The following DYNAP variants were observed in gnomAD, a reference collection of about 807,000 sequenced individuals.
The protein encoded by DYNAP is dynactin-associated protein.
DYNAP carries 7 observed loss-of-function variants against 8.5 expected under a neutral mutation model. The ratio of observed to expected loss-of-function variants is 0.82; its 90% CI spans 0.47 to 1.54. The LOEUF (loss-of-function observed/expected upper bound fraction) is 1.54. DYNAP is among the 40% of genes most tolerant of loss of function. The pLI, the probability that DYNAP is intolerant of heterozygous loss-of-function variation, is 0.01. For missense variants in DYNAP, 256 were observed against 224.3 expected, an observed-to-expected ratio of 1.14 and a Z score of -0.90; for synonymous variants, 77 against 77.9, an observed-to-expected ratio of 0.99 and a Z score of 0.06.
chr18:54,591,638 C>G (rs1911080813), intron 1 of DYNAP, among the ~76,000 whole-genome samples: 1 of 151,982 alleles, frequency 6.6e-6, no homozygotes, highest in South Asian at 2.1e-4. Flanking sequence ...TTCATGTAAA[C>G]ATAAACTCCA....
At chr18:54,597,770 C>T (rs778379154) in intron 2 of DYNAP, 43 bp from the exon 3 acceptor site, 2 of 1,544,286 alleles carry the variant, frequency 1.3e-6, no homozygotes, top group Non-Finnish European at 8.8e-7. Flanking sequence ...AAATTACAAG[C>T]ATTTTTGTTT....
chr18:54,590,898 T>C (rs1013543486), upstream of DYNAP, among the ~76,000 whole-genome samples: 3 of 152,114 alleles, frequency 2.0e-5, no homozygotes, highest in African/African-American at 7.2e-5. Flanking sequence ...CTTTTGTGCT[T>C]GAGTAGAAAG....
upstream of DYNAP, among the ~76,000 whole-genome samples, chr18:54,586,487 C>T (rs937435416): frequency 4.6e-5 from 7 of 152,152 alleles, no homozygotes; most frequent in African/African-American, 1.7e-4. Context: ...GTGGCAGCAC[C>T]ACCCTGGCCA....
chr18:54,576,934 C>A, the DYNAP span, among the ~76,000 whole-genome samples: 1 of 152,176 alleles, frequency 6.6e-6, no homozygotes, highest in African/African-American at 2.4e-5. Flanking sequence ...CCCATCAGAT[C>A]AATTTATTTG....
rs1257031827 is a variant in DYNAP, at chr18:54,598,273, T to C, written c.*128T>C. 1.0e-6 allele frequency: 1 copy of C among 967,314 alleles called. No homozygotes were observed. The highest frequency in any genetic ancestry group is 1.6e-5 in the African/African-American group (1 of 60,706). The allele number at this position is 967,314 out of a possible 1,614,324, so 59.9% of individuals were successfully genotyped here. ...TGGCTGCAGTCACTTTAACAGACTC[T>C]ATAACCGTTACAACTTCAACAAAAT... On this transcript the variant is annotated 3_prime_UTR_variant, in exon 3 of 3. Transcript: ENST00000648945.
At chr18:54,596,941 A>T (rs1911317995) in intron 2 of DYNAP, among the ~76,000 whole-genome samples, 1 of 152,036 alleles carries the variant, frequency 6.6e-6, no homozygotes, top group South Asian at 2.1e-4. Context: ...GCTTTTCATG[A>T]AACTCTAGTC....
At chr18:54,591,920 T>C (rs560207558) in intron 1 of DYNAP, among the ~76,000 whole-genome samples, 4 of 152,308 alleles carry the variant, frequency 2.6e-5, no homozygotes, top group African/African-American at 9.6e-5. Context: ...ACAGATTTTA[T>C]GTATCTATTT....
chr18:54,593,512 T>G (rs576723701), intron 1 of DYNAP, among the ~76,000 whole-genome samples: 6 of 152,324 alleles, frequency 3.9e-5, no homozygotes, highest in African/African-American at 9.6e-5. Context: ...AATTTTAGTA[T>G]TCTCCTTTTG....
In DYNAP at chr18:54,599,041, GT is replaced by G. The variant is rs1318863490; in HGVS notation, c.*898del. 1 of 152,074 alleles carries G rather than the reference GT, an allele frequency of 6.6e-6. No homozygotes were observed. The highest frequency in any genetic ancestry group is 1.5e-5 in the Non-Finnish European group (1 of 67,998). The allele number at this position is 152,074 out of a possible 1,614,324, so 9.4% of individuals were successfully genotyped here. ...TATAGCCTGGAAGCCCCAACTTTGA[GT>G]TGTCCTGCCTTTCTGAACCAAGCCA... On this transcript the variant is annotated 3_prime_UTR_variant, in exon 3 of 3. Transcript: ENST00000648945.
At chr18:54,587,159 G>A (rs1910908309), upstream of DYNAP, among the ~76,000 whole-genome samples, 1 of 152,088 alleles carries the variant, frequency 6.6e-6, no homozygotes, top group Non-Finnish European at 1.5e-5. Context: ...GTTTTAAAAT[G>A]GCAGTCATGA....
At chr18:54,595,186 T>C (rs1280794575) in intron 2 of DYNAP, 83 bp downstream of exon 2, 1 of 1,375,680 alleles carries the variant, frequency 7.3e-7, no homozygotes, top group East Asian at 2.5e-5. Context: ...TCCCAAGAAA[T>C]GTACTTAATT....
rs1189017536 is a variant in DYNAP, at chr18:54,591,483, A to T, written c.57+144A>T. On this transcript the variant is annotated intron_variant, in intron 1 of 2. Transcript: ENST00000648945. ...CCAAAATAAAGAGCAACCCTGTATC[A>T]ATTTTTGTGCTGTAACTTTCATGTT... 2.2e-6 allele frequency: 2 copies of T among 907,046 alleles called. 1 individual carries two copies. The allele number at this position is 907,046 out of a possible 1,614,324, so 56.2% of individuals were successfully genotyped here.
chr18:54,577,913 G>A, the DYNAP span, among the ~76,000 whole-genome samples: 3 of 146,686 alleles, frequency 2.0e-5, no homozygotes, highest in Non-Finnish European at 4.4e-5. Context: ...GTGATCAGGC[G>A]AGATCAGGCC....
At chr18:54,592,472 C>CAATA (rs892385477) in intron 1 of DYNAP, among the ~76,000 whole-genome samples, 2 of 151,870 alleles carry the variant, frequency 1.3e-5, no homozygotes, top group African/African-American at 4.8e-5. Flanking sequence ...AAACCAAATT[C>CAATA]AATAATGGAA....
chr18:54,579,095 G>A, the DYNAP span, among the ~76,000 whole-genome samples: 6 of 152,014 alleles, frequency 3.9e-5, no homozygotes, highest in South Asian at 2.1e-4. Context: ...CACCGCGCCC[G>A]GCCAGAAAAG....
the DYNAP span, among the ~76,000 whole-genome samples, chr18:54,575,814 C>G: frequency 6.6e-6 from 1 of 152,064 alleles, no homozygotes; most frequent in Non-Finnish European, 1.5e-5. Context: ...TGCACACACA[C>G]ACACGCACAC....
chr18:54,576,536 C>A, the DYNAP span, among the ~76,000 whole-genome samples: 121 of 152,170 alleles, frequency 8.0e-4, 1 homozygote, highest in African/African-American at 2.7e-3. Flanking sequence ...CAGTGGCTCG[C>A]ACCTGTAATC....
chr18:54,589,452 C>T (rs2144884451), upstream of DYNAP, among the ~76,000 whole-genome samples: 1 of 152,280 alleles, frequency 6.6e-6, no homozygotes, highest in Non-Finnish European at 1.5e-5. Context: ...GTTCATAATA[C>T]ATGGTGAAGA....
At chr18:54,583,883 A>G (rs982915943), upstream of DYNAP, among the ~76,000 whole-genome samples, 3 of 152,176 alleles carry the variant, frequency 2.0e-5, no homozygotes, top group Non-Finnish European at 4.4e-5. Context: ...AGCTTGGAAT[A>G]CAGATAATAA....
Sources: allele counts gnomAD v4.1 joint callset (sites outside exome capture counted in the v4.1 genomes callset), GRCh38; gene constraint gnomAD v4.1.1; transcripts MANE v1.5; gene names NCBI Gene and HGNC (gene_info 2026-07-23, HGNC 2026-07-21).